The following DHDDS variants were observed in gnomAD, a reference collection of about 807,000 sequenced individuals.
DHDDS encodes dehydrodolichyl diphosphate synthase complex subunit DHDDS.
Under a neutral mutation model 46.2 loss-of-function variants are expected in DHDDS, and 16 were observed. The ratio of observed to expected loss-of-function variants is 0.35; its 90% CI spans 0.23 to 0.53. The LOEUF is 0.53. DHDDS is among the 20% of genes least tolerant of loss of function. DHDDS has a pLI of 0.94. For synonymous variants in DHDDS, 151 were observed against 163.1 expected, an observed-to-expected ratio of 0.93 and a Z score of 0.56; for missense variants, 340 against 423.7, an observed-to-expected ratio of 0.80 and a Z score of 1.73.
chr1:26,449,135 T>C (rs970643702), intron 6 of DHDDS, among the ~76,000 whole-genome samples: 2 of 152,118 alleles, frequency 1.3e-5, no homozygotes, highest in East Asian at 3.8e-4. Flanking sequence ...AGTCTCGCTC[T>C]GTCTCCAGGC....
rs1028622442 is a variant in DHDDS at position 26,470,080 on chromosome 1, G to A, written c.*949G>A. The A allele has an allele frequency of 6.6e-6, 1 of 152,236 alleles. No homozygotes were observed. Among genetic ancestry groups the A allele is most frequent in the Non-Finnish European group, 1.5e-5 (1 of 68,068 alleles). The allele number at this position is 152,236 out of a possible 1,614,324, so 9.4% of individuals were successfully genotyped here. A position where few individuals can be genotyped will look rare whatever the true frequency, so the allele number is the denominator to read the frequency against. ...GACCTGGCTCCCTAAGTAGGCCCTA[G>A]ATGATTTATTCTTGGCATGGCAAAG... On this transcript the variant is annotated 3_prime_UTR_variant, in exon 9 of 9. Coordinates refer to ENST00000236342, the MANE Select transcript of DHDDS (RefSeq NM_205861.3).
Position 26,468,885 on chromosome 1 carries a change from T to C in DHDDS, c.766-10T>C, listed in dbSNP as rs1275353596. ...ATCTCCCCACCCCAATCCCCACTTT[T>C]CTCTAGCAGAAGGCCCGAGACATGT... On this transcript the variant is annotated splice_polypyrimidine_tract_variant and intron_variant, in intron 8 of 8. Coordinates refer to ENST00000236342, the MANE Select transcript of DHDDS (RefSeq NM_205861.3). 2.5e-6 allele frequency: 4 copies of C among 1,613,550 alleles called. No individual in the cohort carries two copies. In the African/African-American group the frequency reaches 4.0e-5, roughly 16 times the overall value.
intron 3 of DHDDS, among the ~76,000 whole-genome samples, chr1:26,439,017 C>T (rs962232507): frequency 2.6e-5 from 4 of 152,272 alleles, no homozygotes; most frequent in East Asian, 1.9e-4. Flanking sequence ...CGGCAACCTC[C>T]GCCTCCCGGG....
intron 3 of DHDDS, among the ~76,000 whole-genome samples, chr1:26,442,212 T>C (rs1249523742): frequency 1.3e-5 from 2 of 152,238 alleles, no homozygotes; most frequent in East Asian, 3.8e-4. Flanking sequence ...CTTTGCAGGC[T>C]ATTAAATGCT....
chr1:26,465,172 G>A (rs1467739657), intron 8 of DHDDS, among the ~76,000 whole-genome samples: 2 of 152,172 alleles, frequency 1.3e-5, no homozygotes, highest in Non-Finnish European at 2.9e-5. Flanking sequence ...TGATGGAGAT[G>A]AGTAAAAAGT....
At chr1:26,453,053 T>C (rs2075336010) in intron 6 of DHDDS, among the ~76,000 whole-genome samples, 1 of 151,748 alleles carries the variant, frequency 6.6e-6, no homozygotes, top group Non-Finnish European at 1.5e-5. Flanking sequence ...GGTTGCGCCA[T>C]TGCTCTCTAG....
rs180690900 is a variant in DHDDS, at chr1:26,469,564, T to C, written c.*433T>C. ...AAAAGATTTGGCTCTACCTTGGATC[T>C]GCTAGTAAATAACTAATAGGCAGGC... On this transcript the variant is annotated 3_prime_UTR_variant, in exon 9 of 9. Transcript: ENST00000236342. 28 of 247,336 alleles carry C rather than the reference T, an allele frequency of 1.1e-4. No homozygotes were observed. In the East Asian group the frequency reaches 2.5e-3, roughly 22 times the overall value. 15.3% of individuals were successfully genotyped at this position (247,336 alleles called of 1,614,324 possible). A position where few individuals can be genotyped will look rare whatever the true frequency, so the allele number is the denominator to read the frequency against.
intron 6 of DHDDS, among the ~76,000 whole-genome samples, chr1:26,456,507 T>C (rs1392968438): frequency 2.6e-5 from 4 of 152,134 alleles, no homozygotes; most frequent in African/African-American, 9.7e-5. Flanking sequence ...ATTCTCCTGC[T>C]TCAGCCTCCC....
intron 6 of DHDDS, among the ~76,000 whole-genome samples, chr1:26,453,257 T>C (rs1227680446): frequency 6.6e-6 from 1 of 152,240 alleles, no homozygotes; most frequent in Non-Finnish European, 1.5e-5. Flanking sequence ...CATATCATTA[T>C]TTATAATGGC....
At chr1:26,457,304 C>CA (rs752860215) in intron 6 of DHDDS, among the ~76,000 whole-genome samples, 3,053 of 94,268 alleles carry the variant, frequency 0.032, 88 homozygotes, top group African/African-American at 0.095. Flanking sequence ...ACTAAAAATA[C>CA]AAAAAAAAAA....
At chr1:26,451,404 ATGTGTGTGTGTGTGTGTGTGTGTGTGTG>A (rs35376620) in intron 6 of DHDDS, among the ~76,000 whole-genome samples, 3 of 135,954 alleles carry the variant, frequency 2.2e-5, no homozygotes, top group African/African-American at 8.4e-5. Context: ...ATGTATGTAG[ATGTGTGTGTGTGTGTGTGTGTGTGTGTG>A]TGTGTGTGTG....
chr1:26,464,252 G>A (rs1383935703), intron 8 of DHDDS, among the ~76,000 whole-genome samples: 2 of 151,916 alleles, frequency 1.3e-5, no homozygotes, highest in East Asian at 1.9e-4. Context: ...CTTGGCCTCC[G>A]AAAGTGCTAG....
At chr1:26,462,111 G>A (rs1489172731) in intron 8 of DHDDS, among the ~76,000 whole-genome samples, 3 of 149,228 alleles carry the variant, frequency 2.0e-5, no homozygotes, top group Admixed American at 6.7e-5. Flanking sequence ...AGGCTGGAGT[G>A]CAGTTGTGCA....
At chr1:26,463,454 T>C (rs1248760702) in intron 8 of DHDDS, 1 of 152,250 alleles carries the variant, frequency 6.6e-6, no homozygotes, top group African/African-American at 2.4e-5. Flanking sequence ...AAATTAAACA[T>C]TACTTAAGAG....
At chr1:26,433,775 G>A (rs184804010) in intron 2 of DHDDS, among the ~76,000 whole-genome samples, 21 of 151,458 alleles carry the variant, frequency 1.4e-4, no homozygotes, top group African/African-American at 4.4e-4. Flanking sequence ...TCGCTCTGTC[G>A]CCCAGGCTGG....
chr1:26,432,825 C>G (rs2075117166), intron 1 of DHDDS, 66 bp from the exon 2 acceptor site: 1 of 976,230 alleles, frequency 1.0e-6, no homozygotes, highest in Non-Finnish European at 1.6e-6. Context: ...ATCTGATTCC[C>G]CAGAAGTCAG....
Position 26,447,629 on chromosome 1 carries a change from T to G in DHDDS, c.511T>G (p.Trp171Gly), listed in dbSNP as rs1320182117. 1 of 1,614,134 alleles carries G rather than the reference T, an allele frequency of 6.2e-7. No homozygotes were observed. Among genetic ancestry groups the G allele is most frequent in the Non-Finnish European group, 8.5e-7 (1 of 1,180,008 alleles). The change falls in exon 6 of 9, where the codon TGG (tryptophan) becomes GGG (glycine). Residue 171 changes from tryptophan to glycine, a missense_variant. Physicochemically the swap from Trp to Gly is radical, Grantham distance 184. Transcript: ENST00000236342. ...EISNAVREMA[W>G]GVEQGLLDPS... Reference sequence around the variant, plus strand: ...CAGCAATGCTGTGAGAGAGATGGCCTGGGGGGTGGAGCAAGGCCTGTTGGA... The same window carrying G: ...CAGCAATGCTGTGAGAGAGATGGCCGGGGGGGTGGAGCAAGGCCTGTTGGA...
intron 4 of DHDDS, among the ~76,000 whole-genome samples, chr1:26,444,651 T>TG (rs1390393758): frequency 6.6e-6 from 1 of 152,130 alleles, no homozygotes; most frequent in South Asian, 2.1e-4. Flanking sequence ...GAGGCTGAAG[T>TG]GGGGGGATCA....
Position 26,469,344 on chromosome 1 carries a change from C to A in DHDDS, c.*213C>A. On this transcript the variant is annotated 3_prime_UTR_variant, in exon 9 of 9. Coordinates refer to ENST00000236342, the MANE Select transcript of DHDDS (RefSeq NM_205861.3). The stretch of plus-strand genomic sequence containing the variant: ...GAGGATTGAGGGTGAAAGTCTCCCA[C>A]GAGTACACTAAACCTAGGTCTGGTC... 1 of 830,796 alleles carries A rather than the reference C, an allele frequency of 1.2e-6. No homozygotes were observed. Among genetic ancestry groups the A allele is most frequent in the Non-Finnish European group, 1.9e-6 (1 of 531,000 alleles). The allele number at this position is 830,796 out of a possible 1,614,324, so 51.5% of individuals were successfully genotyped here. A position where few individuals can be genotyped will look rare whatever the true frequency, so the allele number is the denominator to read the frequency against.
Sources: allele counts gnomAD v4.1 joint callset (sites outside exome capture counted in the v4.1 genomes callset), GRCh38; gene constraint gnomAD v4.1.1; transcripts MANE v1.5; gene names NCBI Gene and HGNC (gene_info 2026-07-23, HGNC 2026-07-21).